The following NELL2 variants were observed in gnomAD, a reference collection of about 807,000 sequenced individuals.
The protein encoded by NELL2 is neural EGFL like 2.
A neutral mutation model predicts 109.6 loss-of-function variants in NELL2; 41 were observed. That is an observed-to-expected ratio of 0.37 (90% CI 0.29 to 0.49). The LOEUF (loss-of-function observed/expected upper bound fraction) is 0.49. Ranked by LOEUF, NELL2 falls within the 20% of genes least tolerant of loss-of-function variation. The probability of loss-of-function intolerance (pLI) is 0.98; values close to 1 mark genes in which losing one functional copy is unlikely to be tolerated. For synonymous variants in NELL2, 355 were observed against 344.7 expected, an observed-to-expected ratio of 1.03 and a Z score of -0.33; for missense variants, 900 against 1,008.3, an observed-to-expected ratio of 0.89 and a Z score of 1.45.
chr12:44,591,410 T>G (rs7969028), intron 15 of NELL2, among the ~76,000 whole-genome samples: 1 of 151,912 alleles, frequency 6.6e-6, no homozygotes, highest in African/African-American at 2.4e-5. Flanking sequence ...ATGAAGAAAA[T>G]GTGGTATATA....
At chr12:44,685,716 TTTTC>T (rs1252303327) in intron 12 of NELL2, among the ~76,000 whole-genome samples, 4 of 152,218 alleles carry the variant, frequency 2.6e-5, no homozygotes, top group Non-Finnish European at 4.4e-5. Context: ...TTGAAAATTC[TTTTC>T]TTTAAGAATG....
intron 9 of NELL2, among the ~76,000 whole-genome samples, chr12:44,740,228 T>C (rs1487220999): frequency 6.6e-6 from 1 of 152,212 alleles, no homozygotes; most frequent in East Asian, 1.9e-4. Flanking sequence ...GATGCTTTCT[T>C]GCTTTTAAGA....
chr12:44,514,733 C>A (rs908729961), intron 19 of NELL2, among the ~76,000 whole-genome samples: 1 of 151,160 alleles, frequency 6.6e-6, no homozygotes, highest in African/African-American at 2.4e-5. Flanking sequence ...ATAAAATATA[C>A]CATTTTTCTT....
Position 44,795,959 on chromosome 12 carries a change from C to T in NELL2, c.336-15937G>A, listed in dbSNP as rs74078934. ...TTTATTCTAATGGTATTTGTTCATT[C>T]GGAAGACAGTATAATGCAGCAATTT... On this transcript the variant is annotated intron_variant, in intron 3 of 19. Coordinates refer to ENST00000429094, the MANE Select transcript of NELL2 (RefSeq NM_001145108.2). 4.8e-3 allele frequency among the ~76,000 whole-genome samples: 725 copies of T among 152,010 alleles called. 8 individuals carry two copies. The highest frequency in any genetic ancestry group is 0.017 in the African/African-American group (686 of 41,482).
chr12:44,721,408 G>C (rs961987267), intron 9 of NELL2, among the ~76,000 whole-genome samples: 3 of 152,108 alleles, frequency 2.0e-5, no homozygotes, highest in African/African-American at 7.2e-5. Flanking sequence ...CTATTAAAGC[G>C]ACAAACATGG....
chr12:44,837,579 C>A (rs934048124), intron 2 of NELL2, among the ~76,000 whole-genome samples: 1 of 152,180 alleles, frequency 6.6e-6, no homozygotes, highest in Non-Finnish European at 1.5e-5. Flanking sequence ...TTACTATGAG[C>A]CAGGCACAAT....
chr12:44,607,788 A>G (rs1320730194), intron 14 of NELL2, among the ~76,000 whole-genome samples: 2 of 152,100 alleles, frequency 1.3e-5, no homozygotes, highest in Non-Finnish European at 2.9e-5. Flanking sequence ...AGAAAAATTC[A>G]TTAGAGTGGT....
chr12:44,798,946 CTTTTTT>C (rs1157006162), intron 3 of NELL2, among the ~76,000 whole-genome samples: 4 of 77,432 alleles, frequency 5.2e-5, no homozygotes, highest in Non-Finnish European at 9.1e-5. Flanking sequence ...ATGATTTCCA[CTTTTTT>C]TTTTTTTTTT....
rs532174468 is a variant in NELL2, at chr12:44,776,958, G to T, written c.762+84C>A. On this transcript the variant is annotated intron_variant, in intron 7 of 19. Transcript: ENST00000429094. ...GTATAGTATAAGAAGAGCCTCGAAG[G>T]TGAAAATCTATGGTTATAAATGGAA... 8.4e-6 allele frequency: 10 copies of T among 1,191,380 alleles called. No individual in the cohort carries two copies. In the East Asian group the frequency reaches 1.9e-4, roughly 22 times the overall value. The allele number at this position is 1,191,380 out of a possible 1,614,324, so 73.8% of individuals were successfully genotyped here.
chr12:44,520,890 C>G (rs1417534995), intron 18 of NELL2, among the ~76,000 whole-genome samples: 2 of 152,122 alleles, frequency 1.3e-5, no homozygotes, highest in African/African-American at 2.4e-5. Context: ...ATGAAAGCAG[C>G]CTTCGGGCAC....
chr12:44,519,332 ACATTGTCACTAAT>A (rs879734986), intron 19 of NELL2, among the ~76,000 whole-genome samples: 10 of 152,242 alleles, frequency 6.6e-5, no homozygotes, highest in Non-Finnish European at 1.3e-4. Flanking sequence ...AATGCTTCCA[ACATTGTCACTAAT>A]CTACAAACTC....
chr12:44,773,839 A>G (rs1941645285), intron 9 of NELL2, among the ~76,000 whole-genome samples: 1 of 152,142 alleles, frequency 6.6e-6, no homozygotes, highest in African/African-American at 2.4e-5. Flanking sequence ...ACTATGAAGC[A>G]ACTTCTTGAT....
chr12:44,562,474 AAAAC>A (rs1337522915), intron 15 of NELL2, among the ~76,000 whole-genome samples: 4 of 152,320 alleles, frequency 2.6e-5, no homozygotes, highest in East Asian at 3.9e-4. Context: ...TTACAAGAAA[AAAAC>A]AAACAACCCC....
intron 15 of NELL2, among the ~76,000 whole-genome samples, chr12:44,582,294 A>G (rs1285384662): frequency 6.6e-6 from 1 of 152,134 alleles, no homozygotes; most frequent in Non-Finnish European, 1.5e-5. Context: ...GTGCAGTTGT[A>G]TGTTTTTCCT....
intron 9 of NELL2, among the ~76,000 whole-genome samples, chr12:44,758,832 A>C (rs1566326619): frequency 6.6e-6 from 1 of 152,096 alleles, no homozygotes; most frequent in Non-Finnish European, 1.5e-5. Flanking sequence ...ACCACTTCTG[A>C]CCTTTGTGTT....
At chr12:44,889,773 T>C (rs1278035625) in intron 1 of NELL2, among the ~76,000 whole-genome samples, 1 of 152,240 alleles carries the variant, frequency 6.6e-6, no homozygotes, top group African/African-American at 2.4e-5. Context: ...ATTCTGCCTC[T>C]GCTACCGTCA....
intron 15 of NELL2, among the ~76,000 whole-genome samples, chr12:44,594,130 G>A (rs367870398): frequency 5.9e-5 from 9 of 151,700 alleles, no homozygotes; most frequent in African/African-American, 1.2e-4. Context: ...ATCACACACC[G>A]GGGCCTGTTG....
chr12:44,533,665 G>C (rs1942181209), intron 15 of NELL2, among the ~76,000 whole-genome samples: 1 of 152,206 alleles, frequency 6.6e-6, no homozygotes, highest in South Asian at 2.1e-4. Context: ...GATTCTTCTT[G>C]TTTCGTCTAC....
At chr12:44,777,397 T>C in intron 5 of NELL2, 83 bp from the exon 6 acceptor site, 1 of 1,093,130 alleles carries the variant, frequency 9.1e-7, no homozygotes. Flanking sequence ...TGAAGGAAAA[T>C]ATTACAGAAC....
Sources: gnomAD v4.1 joint callset for allele counts (sites outside exome capture counted in the v4.1 genomes callset) on GRCh38, gnomAD v4.1.1 for gene constraint, MANE v1.5 for transcripts, NCBI Gene and HGNC (gene_info 2026-07-23, HGNC 2026-07-21) for gene names.